The following TMEM132C variants were observed in gnomAD, a reference collection of about 807,000 sequenced individuals.
The protein encoded by TMEM132C is transmembrane protein 132C, also known as protein phosphatase 1, regulatory subunit 152.
Under a neutral mutation model 61.4 loss-of-function variants are expected in TMEM132C, and 29 were observed. The ratio of observed to expected loss-of-function variants is 0.47; its 90% CI spans 0.35 to 0.64. The LOEUF (loss-of-function observed/expected upper bound fraction) is 0.64. TMEM132C is among the 30% of genes least tolerant of loss of function. The probability of loss-of-function intolerance (pLI) is 0.00; values close to 1 mark genes in which losing one functional copy is unlikely to be tolerated. For missense variants in TMEM132C, 1,408 were observed against 1,476.9 expected (o/e 0.95, Z 0.76); for synonymous variants, 656 against 633.1 (o/e 1.04, Z -0.54).
chr12:128,534,472 G>A (rs933291929), intron 2 of TMEM132C, among the ~76,000 whole-genome samples: 3 of 152,298 alleles, frequency 2.0e-5, no homozygotes, highest in East Asian at 1.9e-4. Flanking sequence ...CTGAACTAGG[G>A]CCACCCTGGA....
chr12:128,686,199 C>A (rs1317023200), intron 5 of TMEM132C, among the ~76,000 whole-genome samples: 1 of 152,086 alleles, frequency 6.6e-6, no homozygotes, highest in East Asian at 1.9e-4. Context: ...TGCGCAGTTA[C>A]CCCTGAGTTT....
At chr12:128,673,912 T>G (rs1056794653) in intron 5 of TMEM132C, among the ~76,000 whole-genome samples, 5 of 152,248 alleles carry the variant, frequency 3.3e-5, no homozygotes, top group African/African-American at 1.2e-4. Context: ...GGTCATCTCA[T>G]GTAATCCTCT....
chr12:128,587,244 G>T (rs1875582768), intron 3 of TMEM132C, among the ~76,000 whole-genome samples: 2 of 152,216 alleles, frequency 1.3e-5, no homozygotes, highest in African/African-American at 4.8e-5. Context: ...GGCTTATGAA[G>T]AGCAGGAATG....
intron 1 of TMEM132C, among the ~76,000 whole-genome samples, chr12:128,357,415 G>A (rs1489152183): frequency 6.6e-6 from 1 of 152,186 alleles, no homozygotes; most frequent in African/African-American, 2.4e-5. Flanking sequence ...AGGGAGCCCA[G>A]GCCGGGCACG....
Position 128,414,721 on chromosome 12 carries a change from T to C in TMEM132C, c.86-11T>C. On this transcript the variant is annotated splice_polypyrimidine_tract_variant and intron_variant, in intron 1 of 8. Coordinates refer to ENST00000435159, the MANE Select transcript of TMEM132C (RefSeq NM_001136103.3). ...TTTGTCTTTTTCTTTTCTTTCTTTTTCCCTTTTTAGTGATAGAGGGTCACG... is the reference window on the plus strand; with the variant it reads ...TTTGTCTTTTTCTTTTCTTTCTTTTCCCCTTTTTAGTGATAGAGGGTCACG... 1 of 1,500,328 alleles carries C rather than the reference T, an allele frequency of 6.7e-7. No homozygotes were observed. The highest frequency in any genetic ancestry group is 8.9e-7 in the Non-Finnish European group (1 of 1,128,142). The allele number at this position is 1,500,328 out of a possible 1,614,324, so 92.9% of individuals were successfully genotyped here.
chr12:128,446,917 A>G (rs1215453530), intron 2 of TMEM132C, among the ~76,000 whole-genome samples: 2 of 152,230 alleles, frequency 1.3e-5, no homozygotes, highest in East Asian at 1.9e-4. Context: ...GTGGGATGCA[A>G]AAGTCCAAGG....
chr12:128,369,401 G>A (rs1244329340), intron 1 of TMEM132C, among the ~76,000 whole-genome samples: 1 of 152,172 alleles, frequency 6.6e-6, no homozygotes, highest in African/African-American at 2.4e-5. Context: ...TGTTTACTAT[G>A]AAAACATTGA....
chr12:128,368,269 A>G (rs543274103), intron 1 of TMEM132C, among the ~76,000 whole-genome samples: 1 of 152,354 alleles, frequency 6.6e-6, no homozygotes, highest in South Asian at 2.1e-4. Context: ...TACAGCCGGA[A>G]GCAACGTCCA....
rs117518270 is a variant in TMEM132C at position 128,354,279 on chromosome 12, C to T, written c.86-60453C>T. ...GTACCCTTCCCCTCTCTGATCCGGC[C>T]ACTCAGTGGAGGGAGGGGCATTAGA... On this transcript the variant is annotated intron_variant, in intron 1 of 8. Transcript: ENST00000435159. Among the ~76,000 whole-genome samples, 810 of 152,220 alleles carry T rather than the reference C, an allele frequency of 5.3e-3. 3 individuals are homozygous for T. The highest frequency in any genetic ancestry group is 8.6e-3 in the Non-Finnish European group (587 of 68,014).
intron 1 of TMEM132C, among the ~76,000 whole-genome samples, chr12:128,347,556 G>T (rs1873207288): frequency 6.6e-6 from 1 of 152,088 alleles, no homozygotes; most frequent in African/African-American, 2.4e-5. Context: ...AGCCTCCCAA[G>T]TAGCTGGGAT....
chr12:128,386,531 C>T (rs964864247), intron 1 of TMEM132C, among the ~76,000 whole-genome samples: 1 of 152,082 alleles, frequency 6.6e-6, no homozygotes, highest in Admixed American at 6.5e-5. Context: ...AACTCAGGGG[C>T]AAGAAGGCTG....
intron 1 of TMEM132C, among the ~76,000 whole-genome samples, chr12:128,309,668 A>C (rs1871905876): frequency 1.3e-5 from 2 of 151,662 alleles, no homozygotes; most frequent in Admixed American, 6.6e-5. Context: ...CTCACTCGGC[A>C]TCACTTCTTT....
chr12:128,646,265 T>G (rs998939032), intron 4 of TMEM132C, among the ~76,000 whole-genome samples: 3 of 146,784 alleles, frequency 2.0e-5, no homozygotes, highest in African/African-American at 5.1e-5. Flanking sequence ...GTTTACTAGA[T>G]CCCATCAACT....
At chr12:128,466,272 C>T (rs749904119) in intron 2 of TMEM132C, among the ~76,000 whole-genome samples, 7 of 152,116 alleles carry the variant, frequency 4.6e-5, no homozygotes, top group Non-Finnish European at 8.8e-5. Flanking sequence ...TGAAGAGAAC[C>T]GCTGGAGAGT....
At chr12:128,480,148 T>C (rs1209775040) in intron 2 of TMEM132C, among the ~76,000 whole-genome samples, 1 of 152,140 alleles carries the variant, frequency 6.6e-6, no homozygotes, top group Non-Finnish European at 1.5e-5. Flanking sequence ...TGGTCCCAGC[T>C]ACTCTGGAAG....
At chr12:128,487,726 CAG>C (rs72138439) in intron 2 of TMEM132C, among the ~76,000 whole-genome samples, 3,847 of 152,036 alleles carry the variant, frequency 0.025, 61 homozygotes, top group Non-Finnish European at 0.032. Flanking sequence ...CATCAAGACA[CAG>C]AGTGTTCCAG....
chr12:128,546,128 T>C (rs1202153282), intron 3 of TMEM132C, among the ~76,000 whole-genome samples: 1 of 152,150 alleles, frequency 6.6e-6, no homozygotes, highest in East Asian at 1.9e-4. Flanking sequence ...GTCACCATCA[T>C]TACCCCAAGA....
At chr12:128,397,415 A>G (rs1875000594) in intron 1 of TMEM132C, among the ~76,000 whole-genome samples, 1 of 152,130 alleles carries the variant, frequency 6.6e-6, no homozygotes, top group South Asian at 2.1e-4. Context: ...GAGCAATTGC[A>G]ACGGTCAGGG....
intron 2 of TMEM132C, among the ~76,000 whole-genome samples, chr12:128,543,233 C>G (rs1873822984): frequency 6.6e-6 from 1 of 152,170 alleles, no homozygotes; most frequent in African/African-American, 2.4e-5. Context: ...CAATCGCTAA[C>G]ATTTATTAAG....
Sources: allele counts gnomAD v4.1 joint callset (sites outside exome capture counted in the v4.1 genomes callset), GRCh38; gene constraint gnomAD v4.1.1; transcripts MANE v1.5; gene names NCBI Gene and HGNC (gene_info 2026-07-23, HGNC 2026-07-21).